Variants in DSTN observed in about 807,000 individuals in gnomAD.
DSTN encodes the protein destrin.
Under a neutral mutation model 16.8 loss-of-function variants are expected in DSTN, and 10 were observed. The observed-to-expected ratio is 0.60, with a 90% CI of 0.37 to 1.01. The LOEUF (loss-of-function observed/expected upper bound fraction) is 1.01. Among genes scored for constraint, DSTN ranks in the 50% least tolerant of loss-of-function variants. The pLI, the probability that DSTN is intolerant of heterozygous loss-of-function variation, is 0.01. For missense variants in DSTN, 141 were observed against 196.7 expected, an observed-to-expected ratio of 0.72 and a Z score of 1.69; for synonymous variants, 57 against 58.9, an observed-to-expected ratio of 0.97 and a Z score of 0.14.
In DSTN at chr20:17,609,778, C is replaced by G. The variant is rs1306786874; in HGVS notation, c.*2632C>G. The G allele has an allele frequency of 6.6e-6, 1 of 152,238 alleles. No individual in the cohort carries two copies. Among genetic ancestry groups the G allele is most frequent in the African/African-American group, 2.4e-5 (1 of 41,468 alleles). 9.4% of individuals were successfully genotyped at this position (152,238 alleles called of 1,614,324 possible). A position where few individuals can be genotyped will look rare whatever the true frequency, so the allele number is the denominator to read the frequency against. On this transcript the variant is annotated 3_prime_UTR_variant, in exon 4 of 4. Coordinates refer to ENST00000246069, the MANE Select transcript of DSTN (RefSeq NM_006870.4). ...TCAGGAACAAAACTGCAAGTATACT[C>G]TGTTTCCAGAAAATACGTTTACCTC...
At chr20:17,600,467 A>G (rs941795621) in intron 1 of DSTN, among the ~76,000 whole-genome samples, 3 of 152,124 alleles carry the variant, frequency 2.0e-5, no homozygotes, top group Non-Finnish European at 4.4e-5. Context: ...CTTAGGAAAC[A>G]CTTCTTTTAA....
Position 17,608,681 on chromosome 20 carries a change from A to G in DSTN, c.*1535A>G, listed in dbSNP as rs1358268851. The G allele has an allele frequency of 2.0e-5, 3 of 152,104 alleles. No individual in the cohort carries two copies. The highest frequency in any genetic ancestry group is 2.9e-5 in the Non-Finnish European group (2 of 68,028). The allele number at this position is 152,104 out of a possible 1,614,324, so 9.4% of individuals were successfully genotyped here. ...AAGAAAGTTGGTGTAAAAGTTGGGA[A>G]CGTTTTCAATGTTTATTACACTATA... On this transcript the variant is annotated 3_prime_UTR_variant, in exon 4 of 4. Coordinates refer to ENST00000246069, the MANE Select transcript of DSTN (RefSeq NM_006870.4).
intron 1 of DSTN, among the ~76,000 whole-genome samples, chr20:17,574,751 A>T (rs1189778916): frequency 6.9e-6 from 1 of 145,712 alleles, no homozygotes; most frequent in Non-Finnish European, 1.5e-5. Flanking sequence ...AAAAAAATTA[A>T]AAGTCTAAAA....
intron 2 of DSTN, among the ~76,000 whole-genome samples, chr20:17,603,529 A>C (rs569322793): frequency 9.4e-4 from 143 of 152,324 alleles, no homozygotes; most frequent in South Asian, 2.3e-3. Context: ...ATATTTTAGC[A>C]GTGTGGCATG....
At chr20:17,604,736 C>A in intron 3 of DSTN, 105 bp downstream of exon 3, 1 of 999,866 alleles carries the variant, frequency 1.0e-6, no homozygotes, top group Non-Finnish European at 1.5e-6. Context: ...GCTTCGGGCA[C>A]AAGGGAGAAG....
At chr20:17,574,192 G>A (rs886933237) in intron 1 of DSTN, among the ~76,000 whole-genome samples, 3 of 151,792 alleles carry the variant, frequency 2.0e-5, no homozygotes, top group African/African-American at 7.3e-5. Context: ...CACAGCGGGA[G>A]ACCCTGTCTC....
At chr20:17,587,971 C>T (rs1008997505) in intron 1 of DSTN, among the ~76,000 whole-genome samples, 1 of 152,194 alleles carries the variant, frequency 6.6e-6, no homozygotes, top group African/African-American at 2.4e-5. Context: ...GGGACATCTT[C>T]ACCTTATGTA....
intron 1 of DSTN, among the ~76,000 whole-genome samples, chr20:17,578,759 G>A (rs1026040985): frequency 4.6e-5 from 7 of 151,894 alleles, no homozygotes; most frequent in Admixed American, 1.3e-4. Context: ...TCGGGAGTTC[G>A]AAACCAGCCT....
intron 3 of DSTN, chr20:17,605,222 T>C: frequency 2.2e-6 from 1 of 455,894 alleles, no homozygotes. Context: ...GTTGGTATGA[T>C]GGAAAGAACG....
intron 2 of DSTN, among the ~76,000 whole-genome samples, chr20:17,603,134 G>C (rs1446713296): frequency 6.6e-6 from 1 of 152,220 alleles, no homozygotes; most frequent in Non-Finnish European, 1.5e-5. Context: ...ATAAGCCTCT[G>C]AGAGACAGAC....
At chr20:17,583,735 C>CTTT (rs71192397) in intron 1 of DSTN, among the ~76,000 whole-genome samples, 1,109 of 72,382 alleles carry the variant, frequency 0.015, 186 homozygotes, top group African/African-American at 0.044. Context: ...TTTGGAGTTT[C>CTTT]TTTTTTTTTT....
chr20:17,582,578 A>G (rs1378250741), intron 1 of DSTN, among the ~76,000 whole-genome samples: 2 of 152,230 alleles, frequency 1.3e-5, no homozygotes, highest in Admixed American at 6.5e-5. Context: ...GTGTGACGTG[A>G]GTGCCAGGAT....
chr20:17,604,977 T>G (rs2035626459), intron 3 of DSTN: 1 of 454,090 alleles, frequency 2.2e-6, no homozygotes, highest in African/African-American at 2.0e-5. Context: ...GTAAATTTGC[T>G]CTTGCCTTTG....
At chr20:17,589,569 G>A (rs918418430) in intron 1 of DSTN, among the ~76,000 whole-genome samples, 17 of 152,200 alleles carry the variant, frequency 1.1e-4, no homozygotes, top group African/African-American at 4.1e-4. Context: ...GAAATGTGCT[G>A]AAGAACTTGT....
chr20:17,574,840 C>CTTTTTTTTTTTTTTTT (rs2035253930), intron 1 of DSTN, among the ~76,000 whole-genome samples: 1 of 92,266 alleles, frequency 1.1e-5, no homozygotes, highest in African/African-American at 4.1e-5. Flanking sequence ...TTTCTTTTTT[C>CTTTTTTTTTTTTTTTT]TTTCTTTTCT....
chr20:17,578,915 C>T (rs557910234), intron 1 of DSTN, among the ~76,000 whole-genome samples: 1 of 148,864 alleles, frequency 6.7e-6, no homozygotes, highest in East Asian at 2.0e-4. Flanking sequence ...GAGCCAAGAT[C>T]CCACCATTGC....
intron 1 of DSTN, among the ~76,000 whole-genome samples, chr20:17,578,207 C>A (rs2035300987): frequency 6.6e-6 from 1 of 152,212 alleles, no homozygotes; most frequent in Non-Finnish European, 1.5e-5. Flanking sequence ...CTATTGAGCT[C>A]TTTTAAGATG....
chr20:17,600,291 G>A (rs1336228553), intron 1 of DSTN, among the ~76,000 whole-genome samples: 2 of 152,018 alleles, frequency 1.3e-5, no homozygotes, highest in African/African-American at 2.4e-5. Flanking sequence ...TTTTTTATTA[G>A]AGAAAGAGAT....
At chr20:17,591,387 C>T (rs1298515556) in intron 1 of DSTN, among the ~76,000 whole-genome samples, 1 of 149,038 alleles carries the variant, frequency 6.7e-6, no homozygotes, top group Non-Finnish European at 1.5e-5. Context: ...TTATTTGAAA[C>T]ACTATTTCCA....
Sources: gnomAD v4.1 joint callset for allele counts (sites outside exome capture counted in the v4.1 genomes callset) on GRCh38, gnomAD v4.1.1 for gene constraint, MANE v1.5 for transcripts, NCBI Gene and HGNC (gene_info 2026-07-23, HGNC 2026-07-21) for gene names.